EMC3: variants seen among roughly 807,000 people sequenced by gnomAD.
EMC3 encodes the protein 30 kDa protein.
A neutral mutation model predicts 36.6 loss-of-function variants in EMC3; 13 were observed. The observed-to-expected ratio is 0.35, with a 90% CI of 0.23 to 0.56. The LOEUF (loss-of-function observed/expected upper bound fraction) is 0.56. EMC3 is among the 20% of genes least tolerant of loss of function. The probability of loss-of-function intolerance (pLI) is 0.84; values close to 1 mark genes in which losing one functional copy is unlikely to be tolerated. For synonymous variants in EMC3, 120 were observed against 111.9 expected (o/e 1.07, Z -0.46); for missense variants, 220 against 324.5 (o/e 0.68, Z 2.47).
chr3:9,998,409 T>TAATA (rs1331215644), intron 1 of EMC3, among the ~76,000 whole-genome samples: 1 of 104,002 alleles, frequency 9.6e-6, no homozygotes, highest in Non-Finnish European at 2.3e-5. Flanking sequence ...TAATAATAAT[T>TAATA]TTGCTTTTAA....
At chr3:10,005,405 C>A (rs887535593) in intron 1 of EMC3, among the ~76,000 whole-genome samples, 2 of 152,152 alleles carry the variant, frequency 1.3e-5, no homozygotes, top group African/African-American at 2.4e-5. Flanking sequence ...GGCCCCAGAA[C>A]GCTCCCTGGG....
rs1423894109 is a variant in EMC3, at chr3:10,008,536, G to A, written c.-242+2487C>T. ...GGTGGGGAGCAGGCCTCAGCAGGGC[G>A]GGTTCCCAAAAGACAGCCCAGAGAG... On this transcript the variant is annotated intron_variant, in intron 1 of 8. Transcript: ENST00000470827. 1.4e-5 allele frequency: 18 copies of A among 1,326,360 alleles called. No individual in the cohort carries two copies. In the East Asian group the frequency reaches 6.0e-4, roughly 44 times the overall value. 82.2% of individuals were successfully genotyped at this position (1,326,360 alleles called of 1,614,324 possible). A position where few individuals can be genotyped will look rare whatever the true frequency, so the allele number is the denominator to read the frequency against.
chr3:9,973,668 A>G lies in EMC3; in HGVS notation c.454T>C (p.Leu152=), dbSNP rs576597635. The G allele has an allele frequency of 6.2e-7, 1 of 1,614,180 alleles. No homozygotes were observed. Among genetic ancestry groups the G allele is most frequent in the Admixed American group, 1.7e-5 (1 of 60,010 alleles). The change falls in exon 5 of 8, where the codon TTA becomes CTA. Residue 152 remains leucine (L), a synonymous_variant. Coordinates refer to ENST00000245046, the MANE Select transcript of EMC3 (RefSeq NM_001394674.1). ...FPLTLRFKPM[L]QQGIELLTLD... is the part of the protein sequence containing the mutation. ...GTGAGTAGCTCGATTCCTTGCTGTA[A>G]CATAGGCTTAAAACGGAGGGTCAGT... is the stretch of plus-strand genomic sequence containing the variant.
chr3:10,002,486 A>G (rs1264659282), intron 1 of EMC3, among the ~76,000 whole-genome samples: 1 of 151,996 alleles, frequency 6.6e-6, no homozygotes, highest in Admixed American at 6.6e-5. Context: ...AGGTTTTGCC[A>G]TGTTACCCAG....
At chr3:9,999,018 A>C (rs2086165562) in intron 1 of EMC3, among the ~76,000 whole-genome samples, 1 of 152,180 alleles carries the variant, frequency 6.6e-6, no homozygotes, top group Non-Finnish European at 1.5e-5. Context: ...TCTGCCTCTG[A>C]AAGTGCTGGT....
intron 1 of EMC3, among the ~76,000 whole-genome samples, chr3:10,006,064 A>G (rs1415716455): frequency 2.6e-5 from 4 of 152,154 alleles, no homozygotes; most frequent in Non-Finnish European, 2.9e-5. Flanking sequence ...CAGATCGGGG[A>G]AGCCAGGAAG....
intron 1 of EMC3, chr3:10,004,717 A>G (rs2086244772): frequency 6.6e-6 from 1 of 152,208 alleles, no homozygotes; most frequent in African/African-American, 2.4e-5. Flanking sequence ...CCACCAGGAG[A>G]CACCAGAACG....
At chr3:9,977,353 A>G in intron 2 of EMC3, 36 bp downstream of exon 2, 2 of 1,584,864 alleles carry the variant, frequency 1.3e-6, no homozygotes, top group South Asian at 2.3e-5. Flanking sequence ...CCCAACAGTG[A>G]ATCGTGGAGC....
chr3:9,977,081 C>G, intron 2 of EMC3, 31 bp from the exon 3 acceptor site: 2 of 1,493,662 alleles, frequency 1.3e-6, no homozygotes, highest in African/African-American at 1.4e-5. Context: ...TGTTTTAAGT[C>G]TAAGAACTAT....
Position 9,973,770 on chromosome 3 carries a change from C to G in EMC3, c.413-61G>C, listed in dbSNP as rs1277624060. ...TGTTTTATTTTTAGAATAAGTGTGACTCTTTCTCAGAGGAGGTGGGAACTC... is the reference window on the plus strand; with the variant it reads ...TGTTTTATTTTTAGAATAAGTGTGAGTCTTTCTCAGAGGAGGTGGGAACTC... On this transcript the variant is annotated intron_variant, in intron 4 of 7. Coordinates refer to ENST00000245046, the MANE Select transcript of EMC3 (RefSeq NM_001394674.1). 9.4e-6 allele frequency: 14 copies of G among 1,487,932 alleles called. 1 individual carries two copies. Among genetic ancestry groups the G allele is most frequent in the African/African-American group, 2.8e-5 (2 of 72,226 alleles). The allele number at this position is 1,487,932 out of a possible 1,614,324, so 92.2% of individuals were successfully genotyped here.
chr3:9,970,751 G>T, intron 5 of EMC3, 90 bp from the exon 6 acceptor site: 1 of 1,348,298 alleles, frequency 7.4e-7, no homozygotes, highest in Non-Finnish European at 1.1e-6. Flanking sequence ...GTTGTTCAGT[G>T]TTTGTAAAGA....
intron 1 of EMC3, among the ~76,000 whole-genome samples, chr3:9,980,681 C>G (rs994731561): frequency 6.6e-6 from 1 of 151,984 alleles, no homozygotes; most frequent in Non-Finnish European, 1.5e-5. Flanking sequence ...AGCCACCACA[C>G]CCAGCCAAGT....
At chr3:9,987,120 A>C (rs1384190105), upstream of EMC3, 1 of 818,072 alleles carries the variant, frequency 1.2e-6, no homozygotes, top group Non-Finnish European at 1.5e-6. Context: ...AGGCTGAGGC[A>C]GGAGAATGGC....
chr3:9,963,469 A>ATTTTT lies in EMC3; in HGVS notation c.*599_*600insAAAAA, dbSNP rs1559347865. On this transcript the variant is annotated 3_prime_UTR_variant, in exon 8 of 8. Transcript: ENST00000245046. ...TGCTAAGATAGATATATATATATATATATATATATTTTTTTTTTTTTTTCA... is the reference window on the plus strand; with the variant it reads ...TGCTAAGATAGATATATATATATATATTTTTTATATATATTTTTTTTTTTTTTTCA... 1 of 106,926 alleles carries ATTTTT rather than the reference A, an allele frequency of 9.4e-6. No individual in the cohort carries two copies. The highest frequency in any genetic ancestry group is 3.8e-5 in the African/African-American group (1 of 26,438). 6.6% of individuals were successfully genotyped at this position (106,926 alleles called of 1,614,324 possible).
At chr3:9,972,174 TA>T (rs929148534) in intron 5 of EMC3, among the ~76,000 whole-genome samples, 3 of 152,012 alleles carry the variant, frequency 2.0e-5, no homozygotes, top group African/African-American at 7.3e-5. Context: ...TGGAAAACGC[TA>T]AGCCCAGTGA....
chr3:9,999,890 A>C (rs1349573246), intron 1 of EMC3, among the ~76,000 whole-genome samples: 40 of 152,202 alleles, frequency 2.6e-4, no homozygotes. Context: ...TTTAAGAGGC[A>C]AATGAACACC....
chr3:10,009,749 G>A (rs115734622), intron 1 of EMC3: 4,452 of 152,432 alleles, frequency 0.029, 79 homozygotes, highest in South Asian at 0.061. Flanking sequence ...GGAAGGGGCG[G>A]GTCAGCCCAC....
At chr3:10,000,095 T>C (rs2086178951) in intron 1 of EMC3, among the ~76,000 whole-genome samples, 1 of 152,158 alleles carries the variant, frequency 6.6e-6, no homozygotes, top group Admixed American at 6.6e-5. Flanking sequence ...TGGAGTGCAG[T>C]GGCGCGATCT....
chr3:10,008,395 A>G, intron 1 of EMC3: 1 of 1,367,434 alleles, frequency 7.3e-7, no homozygotes, highest in African/African-American at 1.5e-5. Context: ...GGTCCTTTCA[A>G]GTGTCTACCT....
Sources: gnomAD v4.1 joint callset for allele counts (sites outside exome capture counted in the v4.1 genomes callset) on GRCh38, gnomAD v4.1.1 for gene constraint, MANE v1.5 for transcripts, NCBI Gene and HGNC (gene_info 2026-07-23, HGNC 2026-07-21) for gene names.